The following HS3ST3A1 variants were observed in gnomAD, a reference collection of about 807,000 sequenced individuals.
The protein encoded by HS3ST3A1 is heparan sulfate-glucosamine 3-sulfotransferase 3A1.
HS3ST3A1 carries 19 observed loss-of-function variants against 25.7 expected under a neutral mutation model. The observed-to-expected ratio is 0.74, with a 90% CI of 0.52 to 1.08. HS3ST3A1 has a LOEUF of 1.08. HS3ST3A1 is among the 50% of genes least tolerant of loss of function. The probability of loss-of-function intolerance (pLI) is 0.00; values close to 1 mark genes in which losing one functional copy is unlikely to be tolerated. For synonymous variants in HS3ST3A1, 226 were observed against 278.6 expected, an observed-to-expected ratio of 0.81 and a Z score of 1.88; for missense variants, 459 against 594.3, an observed-to-expected ratio of 0.77 and a Z score of 2.37.
intron 1 of HS3ST3A1, among the ~76,000 whole-genome samples, chr17:13,572,735 CA>C (rs1238483671): frequency 6.6e-6 from 1 of 152,228 alleles, no homozygotes; most frequent in Non-Finnish European, 1.5e-5. Context: ...ACGGGGAATT[CA>C]ACAGCTATTT....
At chr17:13,558,374 A>G (rs1052016581) in intron 1 of HS3ST3A1, among the ~76,000 whole-genome samples, 4 of 152,224 alleles carry the variant, frequency 2.6e-5, no homozygotes, top group Middle Eastern at 3.4e-3. Flanking sequence ...GGTATTATTT[A>G]TAATATATAT....
In HS3ST3A1 at chr17:13,542,316, G is replaced by A. The variant is rs1160017496; in HGVS notation, c.600-45498C>T. On this transcript the variant is annotated intron_variant, in intron 1 of 1. Transcript: ENST00000284110. ...TGCCCTCCAGCCTGGGCAACAGAGC[G>A]AGACTCTGTTTCCAAAAAAAAAAAA... is the stretch of plus-strand genomic sequence containing the variant. Among the ~76,000 whole-genome samples the A allele has an allele frequency of 7.7e-5, 10 of 130,308 alleles. No individual in the cohort carries two copies. The South Asian group carries it at 1.1e-3, about 15-fold the overall frequency. The allele number at this position is 130,308 out of a possible 152,430, so 85.5% of individuals were successfully genotyped here.
Position 13,553,219 on chromosome 17 carries a change from A to C in HS3ST3A1, c.599+47312T>G, listed in dbSNP as rs138034505. Among the ~76,000 whole-genome samples the C allele has an allele frequency of 5.9e-5, 9 of 152,300 alleles. No individual in the cohort carries two copies. The East Asian group carries it at 1.2e-3, about 20-fold the overall frequency. The stretch of plus-strand genomic sequence containing the variant: ...GCTGGAGTCATTCCTCCCTTCAGCT[A>C]TGACAGTGCTGGGTTGAGGAGAGGT... On this transcript the variant is annotated intron_variant, in intron 1 of 1. Transcript: ENST00000284110.
At chr17:13,579,701 CAAAAAAAA>C (rs543748713) in intron 1 of HS3ST3A1, among the ~76,000 whole-genome samples, 3 of 23,656 alleles carry the variant, frequency 1.3e-4, no homozygotes, top group South Asian at 8.1e-4. Context: ...ACTCCATCTC[CAAAAAAAA>C]AAAAAAAAAA....
At chr17:13,579,931 A>G (rs1217322138) in intron 1 of HS3ST3A1, among the ~76,000 whole-genome samples, 4 of 130,598 alleles carry the variant, frequency 3.1e-5, no homozygotes, top group Non-Finnish European at 6.4e-5. Flanking sequence ...TGGGTGACAG[A>G]GTGACTCTGT....
rs10632927 is a variant in HS3ST3A1, at chr17:13,560,289, CAAAAAAAAAAAAAA to C, written c.599+40228_599+40241del. Among the ~76,000 whole-genome samples the C allele has an allele frequency of 8.0e-3, 139 of 17,386 alleles. 6 individuals carry two copies. The highest frequency in any genetic ancestry group is 0.1 in the Middle Eastern group (1 of 10). The allele number at this position is 17,386 out of a possible 152,430, so 11.4% of individuals were successfully genotyped here. A position where few individuals can be genotyped will look rare whatever the true frequency, so the allele number is the denominator to read the frequency against. ...TGGGCAACAGAGGGACACTCGTCTCCAAAAAAAAAAAAAAAAAAAAAAAAAAAAAAGTGTATTAC... is the reference window on the plus strand; with the variant it reads ...TGGGCAACAGAGGGACACTCGTCTCCAAAAAAAAAAAAAAAAGTGTATTAC... On this transcript the variant is annotated intron_variant, in intron 1 of 1. Coordinates refer to ENST00000284110, the MANE Select transcript of HS3ST3A1 (RefSeq NM_006042.3).
intron 1 of HS3ST3A1, among the ~76,000 whole-genome samples, 157 bp from the exon 2 acceptor site, chr17:13,496,975 C>T (rs1382028862): frequency 6.6e-6 from 1 of 152,168 alleles, no homozygotes; most frequent in African/African-American, 2.4e-5. Context: ...AGCCCCGCAC[C>T]TCAGATTCCT....
chr17:13,523,096 A>T (rs914362760), intron 1 of HS3ST3A1, among the ~76,000 whole-genome samples: 1 of 152,218 alleles, frequency 6.6e-6, no homozygotes, highest in East Asian at 1.9e-4. Context: ...TTCACAGAAG[A>T]CAGAGGATGA....
intron 1 of HS3ST3A1, among the ~76,000 whole-genome samples, chr17:13,526,330 G>C (rs745555773): frequency 6.6e-6 from 1 of 151,340 alleles, no homozygotes; most frequent in Non-Finnish European, 1.5e-5. Context: ...GTAGGTAGAC[G>C]GTGATTGTTC....
At chr17:13,520,666 G>A (rs990144030) in intron 1 of HS3ST3A1, among the ~76,000 whole-genome samples, 3 of 151,382 alleles carry the variant, frequency 2.0e-5, no homozygotes, top group Non-Finnish European at 4.4e-5. Flanking sequence ...CCAGGCTGGA[G>A]TGCAATGGCA....
chr17:13,599,408 C>G (rs981067407), intron 1 of HS3ST3A1, among the ~76,000 whole-genome samples: 3 of 152,092 alleles, frequency 2.0e-5, no homozygotes, highest in African/African-American at 7.2e-5. Flanking sequence ...AAATCATATC[C>G]ATTTCTGTGT....
At chr17:13,545,986 T>A (rs1050661037) in intron 1 of HS3ST3A1, among the ~76,000 whole-genome samples, 2 of 151,406 alleles carry the variant, frequency 1.3e-5, no homozygotes, top group Non-Finnish European at 2.9e-5. Flanking sequence ...CAAAATAATT[T>A]AAAAAAAAGT....
intron 1 of HS3ST3A1, among the ~76,000 whole-genome samples, chr17:13,571,211 A>G (rs1907799535): frequency 6.6e-6 from 1 of 152,210 alleles, no homozygotes; most frequent in Non-Finnish European, 1.5e-5. Context: ...TCCTTGTGAC[A>G]CATGTAGTTC....
chr17:13,497,698 C>T (rs763935199), intron 1 of HS3ST3A1, among the ~76,000 whole-genome samples: 57 of 152,188 alleles, frequency 3.7e-4, no homozygotes, highest in Non-Finnish European at 6.2e-4. Flanking sequence ...TTTGTTCTTC[C>T]AACTTAAGTA....
chr17:13,513,044 G>A (rs77124708), intron 1 of HS3ST3A1, among the ~76,000 whole-genome samples: 1 of 152,280 alleles, frequency 6.6e-6, no homozygotes, highest in African/African-American at 2.4e-5. Flanking sequence ...CTTTTTAAAT[G>A]TTCAGACATA....
chr17:13,589,366 T>C (rs1175968331), intron 1 of HS3ST3A1, among the ~76,000 whole-genome samples: 4 of 152,144 alleles, frequency 2.6e-5, no homozygotes, highest in African/African-American at 9.7e-5. Context: ...CCCAGAATTG[T>C]CATCACAAGC....
At chr17:13,600,486 G>A in intron 1 of HS3ST3A1, 45 bp downstream of exon 1, 1 of 1,525,822 alleles carries the variant, frequency 6.6e-7, no homozygotes, top group Non-Finnish European at 8.7e-7. Flanking sequence ...TCCCAGCCCA[G>A]GACCCCCGGA....
intron 1 of HS3ST3A1, among the ~76,000 whole-genome samples, chr17:13,521,328 T>C (rs1166601794): frequency 6.6e-6 from 1 of 152,226 alleles, no homozygotes; most frequent in Non-Finnish European, 1.5e-5. Context: ...GTAGTCTTGA[T>C]CTTGGGAAAA....
At chr17:13,555,207 G>C (rs1038878897) in intron 1 of HS3ST3A1, among the ~76,000 whole-genome samples, 1 of 152,052 alleles carries the variant, frequency 6.6e-6, no homozygotes, top group Non-Finnish European at 1.5e-5. Flanking sequence ...TTTCTGCCTG[G>C]AGTTCATCCT....
Sources: allele counts gnomAD v4.1 joint callset (sites outside exome capture counted in the v4.1 genomes callset), GRCh38; gene constraint gnomAD v4.1.1; transcripts MANE v1.5; gene names NCBI Gene and HGNC (gene_info 2026-07-23, HGNC 2026-07-21).